Variants in ZNF469 observed in about 807,000 individuals in gnomAD.
ZNF469 encodes zinc finger protein 469.
In ZNF469, 1 loss-of-function variant was observed where a neutral mutation model predicts 1.0. The ratio of observed to expected loss-of-function variants is 1.00; its 90% confidence interval spans 0.35 to 4.73. The LOEUF (loss-of-function observed/expected upper bound fraction) is 4.73, where lower values mean the gene tolerates loss of function less well. Ranked by LOEUF, ZNF469 falls within the 30% of genes most tolerant of loss-of-function variation. The pLI is 0.16. For synonymous variants in ZNF469, 2,703 were observed against 2,363.4 expected, an observed-to-expected ratio of 1.14 and a Z score of -4.17; for missense variants, 6,100 against 5,356.3, an observed-to-expected ratio of 1.14 and a Z score of -4.33.
At chr16:88,226,007 C>A in the ZNF469 span, among the ~76,000 whole-genome samples, 1 of 152,088 alleles carries the variant, frequency 6.6e-6, no homozygotes, top group Non-Finnish European at 1.5e-5. Context: ...TCTCTGTAGC[C>A]CCAGGATGGT....
chr16:88,403,326 T>G (rs951167803), intron 1 of ZNF469, among the ~76,000 whole-genome samples: 2 of 152,238 alleles, frequency 1.3e-5, no homozygotes, highest in African/African-American at 4.8e-5. Context: ...TATTAATGGT[T>G]ATGTTAAAAT....
intron 1 of ZNF469, among the ~76,000 whole-genome samples, chr16:88,417,692 G>A (rs1351562245): frequency 6.6e-6 from 1 of 152,230 alleles, no homozygotes; most frequent in Non-Finnish European, 1.5e-5. Flanking sequence ...CTCCGGTACA[G>A]CATTGACATT....
At chr16:88,292,649 C>G in the ZNF469 span, among the ~76,000 whole-genome samples, 1 of 151,954 alleles carries the variant, frequency 6.6e-6, no homozygotes. Flanking sequence ...GCCAGCCAGG[C>G]CTCGGTGGCC....
At chr16:88,412,100 T>C (rs942823498) in intron 1 of ZNF469, among the ~76,000 whole-genome samples, 4 of 80,648 alleles carry the variant, frequency 5.0e-5, no homozygotes, top group South Asian at 4.2e-4. Flanking sequence ...GGAGAGGCAG[T>C]TGGGGAGGCA....
chr16:88,144,352 T>C, the ZNF469 span, among the ~76,000 whole-genome samples: 1 of 152,320 alleles, frequency 6.6e-6, no homozygotes, highest in Non-Finnish European at 1.5e-5. Context: ...AAAACAGGAC[T>C]CTGCCTGGCG....
At chr16:88,318,158 C>G in the ZNF469 span, among the ~76,000 whole-genome samples, 2 of 152,246 alleles carry the variant, frequency 1.3e-5, no homozygotes, top group African/African-American at 2.4e-5. Context: ...CCTCTCAGCC[C>G]TTCTCTCCCA....
At chr16:88,175,841 A>G in the ZNF469 span, among the ~76,000 whole-genome samples, 475 of 152,390 alleles carry the variant, frequency 3.1e-3, 2 homozygotes, top group African/African-American at 0.011. Context: ...AGGAAGAATC[A>G]GTAAAACAGA....
In ZNF469 at chr16:88,427,479, G is replaced by C; in HGVS notation, c.9G>C (p.Gly3=). The C allele has an allele frequency of 9.9e-6, 15 of 1,515,748 alleles. No individual in the cohort carries two copies. The highest frequency in any genetic ancestry group is 1.4e-5 in the African/African-American group (1 of 72,644). The allele number at this position is 1,515,748 out of a possible 1,614,324, so 93.9% of individuals were successfully genotyped here. The change falls in exon 3 of 3, where the codon GGG becomes GGC. Residue 3 remains glycine, a synonymous_variant. Transcript: ENST00000565624. The part of the protein sequence containing the change: MP[G]ERPRGAPPPT... ...GCCAGGACGGAGGGGCCATGCCTGGGGAGCGCCCCCGAGGAGCGCCGCCCC... is the reference window on the plus strand; with the variant it reads ...GCCAGGACGGAGGGGCCATGCCTGGCGAGCGCCCCCGAGGAGCGCCGCCCC...
At chr16:88,149,469 G>A in the ZNF469 span, among the ~76,000 whole-genome samples, 1 of 152,208 alleles carries the variant, frequency 6.6e-6, no homozygotes, top group Non-Finnish European at 1.5e-5. Context: ...TGCAACCGCA[G>A]CCTGAGTGCA....
chr16:88,358,917 T>G, the ZNF469 span, among the ~76,000 whole-genome samples: 1 of 152,148 alleles, frequency 6.6e-6, no homozygotes, highest in African/African-American at 2.4e-5. Flanking sequence ...CTGCCCTTGG[T>G]GGACACCTGG....
chr16:88,171,939 C>A, the ZNF469 span, among the ~76,000 whole-genome samples: 6 of 152,326 alleles, frequency 3.9e-5, no homozygotes, highest in South Asian at 1.2e-3. Context: ...CTGTAAACTA[C>A]TAGAAAACTG....
At chr16:88,109,684 G>T in the ZNF469 span, among the ~76,000 whole-genome samples, 2 of 148,654 alleles carry the variant, frequency 1.3e-5, no homozygotes, top group Non-Finnish European at 3.0e-5. Context: ...GGATCAGGAG[G>T]TGCTGAGCGT....
chr16:88,389,673 C>T (rs939151948), intron 1 of ZNF469, among the ~76,000 whole-genome samples: 1 of 152,180 alleles, frequency 6.6e-6, no homozygotes, highest in African/African-American at 2.4e-5. Context: ...GAGGGTGAGG[C>T]GTTGGCTCAG....
rs1177709673 is a variant in ZNF469, at chr16:88,439,060, C to A, written c.11590C>A (p.Pro3864Thr). The A allele has an allele frequency of 6.4e-7, 1 of 1,550,638 alleles. No homozygotes were observed. Among genetic ancestry groups the A allele is most frequent in the Non-Finnish European group, 8.7e-7 (1 of 1,146,980 alleles). Reference sequence around the variant, plus strand: ...CCGCGTGCTCCCGACCAAGCCCAAGCCCAACAGCCAGAACAAACCCAGGCC... The same window carrying A: ...CCGCGTGCTCCCGACCAAGCCCAAGACCAACAGCCAGAACAAACCCAGGCC... Reference protein sequence around the residue: ...PSRVLPTKPKPNSQNKPRPPP... With the variant: ...PSRVLPTKPKTNSQNKPRPPP... The change falls in exon 3 of 3, where the codon CCC becomes ACC. Residue 3864 changes from proline to threonine, a missense_variant. Pro to Thr is a conservative substitution (Grantham distance 38). Coordinates refer to ENST00000565624, the MANE Select transcript of ZNF469 (RefSeq NM_001367624.2).
chr16:88,127,114 C>A, the ZNF469 span, among the ~76,000 whole-genome samples: 4 of 152,070 alleles, frequency 2.6e-5, no homozygotes, highest in African/African-American at 7.3e-5. Context: ...TGAGCCACCA[C>A]GCCCGGCCCA....
chr16:88,430,159 G>T lies in ZNF469; in HGVS notation c.2689G>T (p.Ala897Ser), dbSNP rs1487533910. Residue 897 changes from alanine (A) to serine (S), a missense_variant, in exon 3 of 3, where the codon GCT (alanine) becomes TCT (serine). Transcript: ENST00000565624. ...SKAGVTPESKAPPPLPAATPD... is the reference protein window; with the variant it reads ...SKAGVTPESKSPPPLPAATPD... ...GGCGGGGGTGACTCCAGAGAGCAAA[G>T]CTCCGCCCCCGCTCCCAGCAGCCAC... 6.5e-7 allele frequency: 1 copy of T among 1,549,376 alleles called. No individual in the cohort carries two copies. Among genetic ancestry groups the T allele is most frequent in the African/African-American group, 1.4e-5 (1 of 73,018 alleles).
chr16:88,281,700 T>C, the ZNF469 span, among the ~76,000 whole-genome samples: 23 of 151,470 alleles, frequency 1.5e-4, no homozygotes, highest in Admixed American at 6.6e-4. Context: ...GTCAGTACCA[T>C]GTAGATATCA....
rs1393315705 is a variant in ZNF469 at position 88,433,664 on chromosome 16, C to T, written c.6194C>T (p.Ser2065Phe). ...AGCCCCCCGTCCCCTAATAGGGAGT[C>T]CCTGGCGCTGGCCTTGACAGCAGCC... ...TPSPPSPNRE[S>F]LALALTAAHS... Residue 2065 changes from serine to phenylalanine, a missense_variant, in exon 3 of 3, where the codon TCC (serine) becomes TTC (phenylalanine). By Grantham distance (155) the Ser-to-Phe change is radical (BLOSUM62 -2). Transcript: ENST00000565624. 6.5e-7 allele frequency: 1 copy of T among 1,550,020 alleles called. No homozygotes were observed. The highest frequency in any genetic ancestry group is 2.0e-5 in the Admixed American group (1 of 50,990).
Position 88,434,782 on chromosome 16 carries a change from C to G in ZNF469, c.7312C>G (p.Pro2438Ala), listed in dbSNP as rs546332627. 5.7e-5 allele frequency: 88 copies of G among 1,550,370 alleles called. No individual in the cohort carries two copies. The highest frequency in any genetic ancestry group is 5.3e-4 in the Admixed American group (27 of 51,016). Reference sequence around the variant, plus strand: ...CTCCCACCAGACTCCCCAGGGGGACCCCCTCGGCCCCCAAGACCTCAAACA... The same window carrying G: ...CTCCCACCAGACTCCCCAGGGGGACGCCCTCGGCCCCCAAGACCTCAAACA... ...NASHQTPQGD[P>A]LGPQDLKQRS... The change falls in exon 3 of 3, where the codon CCC becomes GCC. Residue 2438 changes from proline to alanine, a missense_variant. Coordinates refer to ENST00000565624, the MANE Select transcript of ZNF469 (RefSeq NM_001367624.2).
Sources: allele counts gnomAD v4.1 joint callset (sites outside exome capture counted in the v4.1 genomes callset), GRCh38; gene constraint gnomAD v4.1.1; transcripts MANE v1.5; gene names NCBI Gene and HGNC (gene_info 2026-07-23, HGNC 2026-07-21).